The following NAALADL2 variants were observed in gnomAD, a reference collection of about 807,000 sequenced individuals.
The protein encoded by NAALADL2 is inactive N-acetylated-alpha-linked acidic dipeptidase-like protein 2.
In NAALADL2, 76 loss-of-function variants were observed where a neutral mutation model predicts 87.2. The ratio of observed to expected loss-of-function variants is 0.87; its 90% CI spans 0.72 to 1.05. NAALADL2 has a LOEUF of 1.05. Among genes scored for constraint, NAALADL2 ranks in the 50% least tolerant of loss-of-function variants. The pLI is 0.00. For missense variants in NAALADL2, 1,089 were observed against 945.8 expected (o/e 1.15, Z -1.99); for synonymous variants, 354 against 331.0 (o/e 1.07, Z -0.75).
intron 1 of NAALADL2, among the ~76,000 whole-genome samples, chr3:174,920,299 T>C (rs1173217004): frequency 6.6e-6 from 1 of 152,220 alleles, no homozygotes; most frequent in East Asian, 1.9e-4. Context: ...TTTGTCTCCA[T>C]TGACAATCTG....
At chr3:175,452,651 G>A (rs1348901130) in intron 6 of NAALADL2, among the ~76,000 whole-genome samples, 1 of 152,144 alleles carries the variant, frequency 6.6e-6, no homozygotes, top group Non-Finnish European at 1.5e-5. Flanking sequence ...ACAAATGCCA[G>A]ATCAACTGTC....
chr3:175,013,649 C>T (rs1013620741), intron 1 of NAALADL2, among the ~76,000 whole-genome samples: 3 of 151,946 alleles, frequency 2.0e-5, no homozygotes, highest in Non-Finnish European at 4.4e-5. Context: ...CTTATGATAG[C>T]TCTCTTGATT....
At chr3:175,517,467 T>C (rs950671348) in intron 9 of NAALADL2, among the ~76,000 whole-genome samples, 1 of 152,210 alleles carries the variant, frequency 6.6e-6, no homozygotes. Flanking sequence ...GAATTAAAAC[T>C]AAATTTTTGA....
At chr3:174,752,107 A>C (rs978033164) in intron 3 of NAALADL2, among the ~76,000 whole-genome samples, 45 of 151,876 alleles carry the variant, frequency 3.0e-4, no homozygotes, top group African/African-American at 9.9e-4. Flanking sequence ...CCTCTCGAGT[A>C]GCTGGGACTA....
chr3:175,192,839 A>G (rs191366170), intron 2 of NAALADL2, among the ~76,000 whole-genome samples: 32 of 152,132 alleles, frequency 2.1e-4, no homozygotes, highest in African/African-American at 7.2e-4. Flanking sequence ...ATCCAAGGCA[A>G]TTTTGAACTC....
intron 9 of NAALADL2, among the ~76,000 whole-genome samples, chr3:175,527,205 C>G (rs999399145): frequency 2.0e-5 from 3 of 152,218 alleles, no homozygotes; most frequent in Admixed American, 2.0e-4. Context: ...ATGGTTAGAG[C>G]TTTGCTTTTA....
intron 3 of NAALADL2, among the ~76,000 whole-genome samples, chr3:175,255,769 G>T (rs1444980457): frequency 6.6e-6 from 1 of 152,162 alleles, no homozygotes; most frequent in African/African-American, 2.4e-5. Context: ...TAACATTGAG[G>T]TCAAATGTAA....
chr3:174,642,874 G>T (rs589772), intron 2 of NAALADL2, among the ~76,000 whole-genome samples: 11 of 150,354 alleles, frequency 7.3e-5, no homozygotes, highest in South Asian at 2.1e-4. Flanking sequence ...CCTCAACCTC[G>T]TGGGCTCAAA....
At chr3:174,891,664 T>C (rs1730885457) in intron 1 of NAALADL2, among the ~76,000 whole-genome samples, 1 of 152,114 alleles carries the variant, frequency 6.6e-6, no homozygotes, top group Non-Finnish European at 1.5e-5. Flanking sequence ...GTTCTGGCAA[T>C]CCTTGCCACT....
At chr3:174,705,116 C>G (rs1328613509) in intron 2 of NAALADL2, among the ~76,000 whole-genome samples, 1 of 152,038 alleles carries the variant, frequency 6.6e-6, no homozygotes, top group Non-Finnish European at 1.5e-5. Flanking sequence ...AGGCAGGAAC[C>G]AGATCTGGAC....
chr3:175,393,817 T>C (rs1026735885), intron 5 of NAALADL2, among the ~76,000 whole-genome samples: 4 of 152,200 alleles, frequency 2.6e-5, no homozygotes, highest in African/African-American at 7.2e-5. Context: ...ACACTATCCA[T>C]ACCCAAATTT....
At chr3:174,680,264 A>G (rs1368031208) in intron 2 of NAALADL2, among the ~76,000 whole-genome samples, 8 of 152,220 alleles carry the variant, frequency 5.3e-5, no homozygotes, top group Non-Finnish European at 1.0e-4. Flanking sequence ...TTTTGAAAGT[A>G]CCTGAACATT....
intron 2 of NAALADL2, among the ~76,000 whole-genome samples, chr3:174,586,407 T>C (rs1176865045): frequency 6.6e-6 from 1 of 152,196 alleles, no homozygotes; most frequent in Non-Finnish European, 1.5e-5. Flanking sequence ...TCAAAGGTGT[T>C]GTGCTGGACT....
At chr3:174,800,560 C>T (rs1363566036) in intron 3 of NAALADL2, among the ~76,000 whole-genome samples, 1 of 152,152 alleles carries the variant, frequency 6.6e-6, no homozygotes, top group Non-Finnish European at 1.5e-5. Flanking sequence ...TAGGGCAATG[C>T]AGAAGGGAGA....
At chr3:175,472,637 A>G (rs16825770) in intron 9 of NAALADL2, among the ~76,000 whole-genome samples, 6,149 of 152,244 alleles carry the variant, frequency 0.04, 391 homozygotes, top group African/African-American at 0.14. Flanking sequence ...ATAATTTTTG[A>G]TTGAAGTGTA....
At chr3:175,370,793 C>CT (rs1193125635) in intron 5 of NAALADL2, among the ~76,000 whole-genome samples, 1 of 152,098 alleles carries the variant, frequency 6.6e-6, no homozygotes, top group African/African-American at 2.4e-5. Context: ...ACCGTAGTAA[C>CT]TTTTTTTCTT....
chr3:174,997,525 G>T (rs958245535), intron 1 of NAALADL2, among the ~76,000 whole-genome samples: 4 of 152,010 alleles, frequency 2.6e-5, no homozygotes, highest in African/African-American at 7.2e-5. Flanking sequence ...TGTGAAGAAG[G>T]TTAAAAGACA....
At chr3:174,591,331 G>A (rs943825055) in intron 2 of NAALADL2, among the ~76,000 whole-genome samples, 2 of 152,110 alleles carry the variant, frequency 1.3e-5, no homozygotes, top group Non-Finnish European at 2.9e-5. Flanking sequence ...AGAAAAGAAC[G>A]GTGCATGTTA....
chr3:174,536,203 T>A (rs1721708117), intron 1 of NAALADL2, among the ~76,000 whole-genome samples: 1 of 152,144 alleles, frequency 6.6e-6, no homozygotes, highest in Admixed American at 6.6e-5. Flanking sequence ...TGAGAACAGA[T>A]AATTGGTCTG....
Sources: gnomAD v4.1 joint callset for allele counts (sites outside exome capture counted in the v4.1 genomes callset) on GRCh38, gnomAD v4.1.1 for gene constraint, MANE v1.5 for transcripts, NCBI Gene and HGNC (gene_info 2026-07-23, HGNC 2026-07-21) for gene names.